Variants in KCTD16 observed in about 807,000 individuals in gnomAD.
The protein encoded by KCTD16 is BTB/POZ domain-containing protein KCTD16.
KCTD16 carries 13 observed loss-of-function variants against 33.2 expected under a neutral mutation model. The observed-to-expected ratio is 0.39, with a 90% CI of 0.25 to 0.62. The LOEUF is 0.62. KCTD16 is among the 20% of genes least tolerant of loss of function. KCTD16 has a pLI of 0.50. For synonymous variants in KCTD16, 197 were observed against 195.3 expected, an observed-to-expected ratio of 1.01 and a Z score of -0.07; for missense variants, 441 against 525.1, an observed-to-expected ratio of 0.84 and a Z score of 1.57.
intron 3 of KCTD16, among the ~76,000 whole-genome samples, chr5:144,300,960 G>T (rs145505444): frequency 6.6e-6 from 1 of 151,932 alleles, no homozygotes; most frequent in African/African-American, 2.4e-5. Flanking sequence ...AGATTATTAC[G>T]GGCACGGCAC....
intron 3 of KCTD16, among the ~76,000 whole-genome samples, chr5:144,248,984 C>A (rs915888347): frequency 6.6e-6 from 1 of 152,138 alleles, no homozygotes; most frequent in Non-Finnish European, 1.5e-5. Flanking sequence ...CAGCAAAGAT[C>A]CTGATCTTGG....
At chr5:144,227,336 A>G (rs1243842938) in intron 3 of KCTD16, among the ~76,000 whole-genome samples, 3 of 152,186 alleles carry the variant, frequency 2.0e-5, no homozygotes, top group African/African-American at 7.2e-5. Flanking sequence ...GCACATATCA[A>G]GGTCCTGAGG....
chr5:144,307,873 G>A (rs1381627875), intron 3 of KCTD16, among the ~76,000 whole-genome samples: 2 of 152,326 alleles, frequency 1.3e-5, no homozygotes, highest in Admixed American at 6.5e-5. Flanking sequence ...GAGCCCCAGA[G>A]TGTCATTAGG....
intron 3 of KCTD16, among the ~76,000 whole-genome samples, chr5:144,391,393 G>A (rs972928895): frequency 6.6e-6 from 1 of 152,234 alleles, no homozygotes; most frequent in Non-Finnish European, 1.5e-5. Context: ...ATTCTGAAAT[G>A]AATAGTGAGA....
chr5:144,171,268 G>A (rs994889522), intron 1 of KCTD16, among the ~76,000 whole-genome samples: 6 of 152,130 alleles, frequency 3.9e-5, no homozygotes, highest in Admixed American at 2.6e-4. Flanking sequence ...GGGAAGAAGA[G>A]TCTGTAAAGC....
At chr5:144,179,218 A>G (rs1007479468) in intron 2 of KCTD16, among the ~76,000 whole-genome samples, 1 of 152,142 alleles carries the variant, frequency 6.6e-6, no homozygotes, top group South Asian at 2.1e-4. Flanking sequence ...CTCTTGCCAG[A>G]TATGTCCCCT....
At chr5:144,351,715 A>G (rs963449704) in intron 3 of KCTD16, among the ~76,000 whole-genome samples, 1 of 152,212 alleles carries the variant, frequency 6.6e-6, no homozygotes, top group Admixed American at 6.5e-5. Context: ...ATGGAGTACT[A>G]TTAGCCTTAA....
intron 3 of KCTD16, among the ~76,000 whole-genome samples, chr5:144,239,407 A>C (rs1288442039): frequency 1.3e-5 from 2 of 152,174 alleles, no homozygotes; most frequent in African/African-American, 2.4e-5. Flanking sequence ...TTTACAAGAC[A>C]AAAACCACAT....
At chr5:144,242,596 A>T (rs746499661) in intron 3 of KCTD16, among the ~76,000 whole-genome samples, 10 of 152,178 alleles carry the variant, frequency 6.6e-5, no homozygotes, top group Non-Finnish European at 8.8e-5. Context: ...AAGCCTGGGT[A>T]ATTTATACAG....
chr5:144,246,262 G>T (rs1323736589), intron 3 of KCTD16, among the ~76,000 whole-genome samples: 1 of 152,096 alleles, frequency 6.6e-6, no homozygotes, highest in East Asian at 1.9e-4. Context: ...TTTTGTTTGG[G>T]AGTGCATTAT....
intron 3 of KCTD16, among the ~76,000 whole-genome samples, chr5:144,390,921 CAT>C (rs2126938297): frequency 6.6e-6 from 1 of 152,258 alleles, no homozygotes; most frequent in East Asian, 1.9e-4. Context: ...TGATTAGTCA[CAT>C]CTAGGGCATG....
chr5:144,372,339 CATTT>C (rs1751987354), intron 3 of KCTD16, among the ~76,000 whole-genome samples: 1 of 152,002 alleles, frequency 6.6e-6, no homozygotes, highest in African/African-American at 2.4e-5. Flanking sequence ...GCTATTCATT[CATTT>C]ATTTGTTAAT....
chr5:144,327,129 G>A (rs775645442), intron 3 of KCTD16, among the ~76,000 whole-genome samples: 4 of 152,150 alleles, frequency 2.6e-5, no homozygotes, highest in Non-Finnish European at 5.9e-5. Context: ...GCCTCTAGGT[G>A]CAGGTATGAC....
chr5:144,201,389 A>G (rs1233217400), intron 2 of KCTD16, among the ~76,000 whole-genome samples: 1 of 152,188 alleles, frequency 6.6e-6, no homozygotes, highest in East Asian at 1.9e-4. Context: ...TGTTAACCTG[A>G]ATTTTCATAC....
chr5:144,276,709 G>A (rs1755447156), intron 3 of KCTD16, among the ~76,000 whole-genome samples: 1 of 152,176 alleles, frequency 6.6e-6, no homozygotes, highest in South Asian at 2.1e-4. Flanking sequence ...TTCAAGACCT[G>A]CCTGGCCAAC....
intron 3 of KCTD16, among the ~76,000 whole-genome samples, chr5:144,421,550 C>G (rs1189055764): frequency 1.3e-5 from 2 of 152,042 alleles, no homozygotes; most frequent in Non-Finnish European, 2.9e-5. Context: ...GTTTGAATGC[C>G]AGTGGGGTAA....
chr5:144,314,953 G>A (rs1751866460), intron 3 of KCTD16, among the ~76,000 whole-genome samples: 1 of 152,174 alleles, frequency 6.6e-6, no homozygotes, highest in Admixed American at 6.5e-5. Context: ...AGAGACCTGT[G>A]ATAAACTGCA....
intron 2 of KCTD16, among the ~76,000 whole-genome samples, chr5:144,190,772 T>C (rs1208791997): frequency 6.6e-6 from 1 of 152,242 alleles, no homozygotes; most frequent in East Asian, 1.9e-4. Context: ...TCTATATGCT[T>C]ATTCATTTAT....
rs75153416 is a variant in KCTD16 at position 144,431,362 on chromosome 5, T to C, written c.833-42298T>C. Among the ~76,000 whole-genome samples, 6 of 152,294 alleles carry C rather than the reference T, an allele frequency of 3.9e-5. No individual in the cohort carries two copies. The East Asian group carries it at 1.2e-3, about 29-fold the overall frequency. On this transcript the variant is annotated intron_variant, in intron 3 of 3. Coordinates refer to ENST00000512467, the MANE Select transcript of KCTD16 (RefSeq NM_020768.4). ...GCAAGATGAAGAGACTTGCTTTAGC[T>C]TCTTCACAAATACAATGAGGTACTT...
Sources: allele counts gnomAD v4.1 joint callset (sites outside exome capture counted in the v4.1 genomes callset), GRCh38; gene constraint gnomAD v4.1.1; transcripts MANE v1.5; gene names NCBI Gene and HGNC (gene_info 2026-07-23, HGNC 2026-07-21).